Variants in TEX11 observed in about 807,000 individuals in gnomAD.
TEX11 encodes the protein testis-expressed protein 11.
TEX11 carries 7 observed loss-of-function variants against 84.4 expected under a neutral mutation model. That is an observed-to-expected ratio of 0.08 (90% CI 0.05 to 0.16). TEX11 has a LOEUF of 0.16. TEX11 is among the 10% of genes least tolerant of loss of function. The pLI, the probability that TEX11 is intolerant of heterozygous loss-of-function variation, is 1.00. For missense variants in TEX11, 551 were observed against 660.5 expected (o/e 0.83, Z 1.82); for synonymous variants, 264 against 222.8 (o/e 1.18, Z -1.64).
chrX:70,812,209 A>ATT (rs60068893), intron 8 of TEX11, among the ~76,000 whole-genome samples: 84 of 101,007 alleles, frequency 8.3e-4, no homozygotes, highest in East Asian at 1.3e-3. Context: ...TCTTGAATTA[A>ATT]TTTTTTTTTT....
intron 11 of TEX11, among the ~76,000 whole-genome samples, chrX:70,728,415 C>G (rs1342125223): frequency 8.9e-6 from 1 of 112,803 alleles, no homozygotes; most frequent in Non-Finnish European, 1.9e-5. Context: ...CTTTCCTAGT[C>G]AAAGAAAGGA....
intron 1 of TEX11, 43 bp from the exon 2 acceptor site, chrX:70,907,853 A>G (rs1004194000): frequency 5.3e-5 from 44 of 832,957 alleles, no homozygotes; most frequent in Non-Finnish European, 7.7e-5. Flanking sequence ...TTTATCCTCT[A>G]GTTTCTCAAC....
Position 70,605,412 on chromosome X carries a change from C to T in TEX11, c.2056G>A (p.Ala686Thr). The T allele has an allele frequency of 2.5e-6, 3 of 1,194,959 alleles. No homozygotes were observed. In the South Asian group the frequency reaches 5.3e-5, roughly 21 times the overall value. Residue 686 changes from alanine to threonine, a missense_variant, in exon 24 of 30, where the codon GCT (alanine) becomes ACT (threonine). Ala to Thr is a moderately conservative substitution (Grantham distance 58). Coordinates refer to ENST00000374333, the MANE Select transcript of TEX11 (RefSeq NM_031276.3). ...AGGTTGCACATTACCTGTTCAAAAG[C>T]TGTTGAAGCTTTTCTCCCTTGCTCT... The part of the protein sequence containing the change: ...DLEQGRKAST[A>T]FEQTMFLSRA...
intron 13 of TEX11, among the ~76,000 whole-genome samples, chrX:70,716,764 C>T (rs1232366498): frequency 1.8e-5 from 2 of 111,912 alleles, no homozygotes; most frequent in Non-Finnish European, 3.8e-5. Flanking sequence ...TCAGCTCAGG[C>T]TCAGTGCACT....
At chrX:70,752,152 T>A (rs2090830826) in intron 9 of TEX11, among the ~76,000 whole-genome samples, 1 of 112,124 alleles carries the variant, frequency 8.9e-6, no homozygotes, top group Non-Finnish European at 1.9e-5. Flanking sequence ...TTCTGTTTTA[T>A]GTCTCATCTT....
chrX:70,564,901 G>A (rs369288983), intron 25 of TEX11, among the ~76,000 whole-genome samples: 2 of 109,664 alleles, frequency 1.8e-5, no homozygotes, highest in Admixed American at 9.9e-5. Context: ...ATGATTTATA[G>A]TCCTTTGGGT....
intron 4 of TEX11, 110 bp from the exon 5 acceptor site, chrX:70,861,046 A>G (rs2091565712): frequency 2.0e-6 from 1 of 496,224 alleles, no homozygotes; most frequent in African/African-American, 2.7e-5. Flanking sequence ...TATTAAAAAT[A>G]AAAATTGTAA....
At chrX:70,714,802 A>G (rs2090480447) in intron 13 of TEX11, among the ~76,000 whole-genome samples, 1 of 111,686 alleles carries the variant, frequency 9.0e-6, no homozygotes, top group Admixed American at 9.5e-5. Context: ...ATTTAAGGTT[A>G]ATATTGTTAT....
At chrX:70,601,731 G>T (rs2089117256) in intron 24 of TEX11, among the ~76,000 whole-genome samples, 2 of 97,474 alleles carry the variant, frequency 2.1e-5, no homozygotes, top group Non-Finnish European at 4.1e-5. Flanking sequence ...AGGGAGTGGT[G>T]ATGACTCTTA....
At chrX:70,568,838 A>G (rs2088538611) in intron 25 of TEX11, among the ~76,000 whole-genome samples, 1 of 109,701 alleles carries the variant, frequency 9.1e-6, no homozygotes, top group Admixed American at 9.7e-5. Context: ...TGCCCTTAAC[A>G]TTTTTTCCTT....
chrX:70,672,636 T>C (rs928921736), intron 15 of TEX11, among the ~76,000 whole-genome samples: 28 of 111,690 alleles, frequency 2.5e-4, no homozygotes, highest in African/African-American at 9.1e-4. Flanking sequence ...TTCATGCATA[T>C]ATCCCTTTTT....
At chrX:70,784,208 A>AG (rs2091061936) in intron 9 of TEX11, among the ~76,000 whole-genome samples, 1 of 112,061 alleles carries the variant, frequency 8.9e-6, no homozygotes, top group South Asian at 3.8e-4. Context: ...CATCACATAA[A>AG]GAGAACCAAT....
intron 25 of TEX11, among the ~76,000 whole-genome samples, chrX:70,556,453 A>C (rs752977296): frequency 8.9e-6 from 1 of 112,130 alleles, no homozygotes; most frequent in East Asian, 2.8e-4. Flanking sequence ...ATAGATATAT[A>C]ATTCTCTTGT....
At chrX:70,679,801 G>A (rs1419658539) in intron 14 of TEX11, among the ~76,000 whole-genome samples, 1 of 96,017 alleles carries the variant, frequency 1.0e-5, no homozygotes, top group African/African-American at 3.9e-5. Context: ...CCCCCCGCCC[G>A]GCCAGCCGCC....
At chrX:70,648,065 A>G (rs2089766491) in intron 17 of TEX11, among the ~76,000 whole-genome samples, 1 of 112,074 alleles carries the variant, frequency 8.9e-6, no homozygotes, top group African/African-American at 3.2e-5. Context: ...CATATACACC[A>G]TGGAATATTA....
At chrX:70,771,685 T>C (rs1569436089) in intron 9 of TEX11, among the ~76,000 whole-genome samples, 1 of 112,588 alleles carries the variant, frequency 8.9e-6, no homozygotes, top group Non-Finnish European at 1.9e-5. Context: ...ACTTTTTTAA[T>C]AAGCAAAGAA....
intron 2 of TEX11, among the ~76,000 whole-genome samples, chrX:70,898,637 A>G (rs1369742465): frequency 2.9e-5 from 3 of 101,927 alleles, no homozygotes; most frequent in Admixed American, 2.2e-4. Context: ...ATGGAGTCTC[A>G]CTCTGTCGGC....
At chrX:70,753,217 G>A in intron 9 of TEX11, among the ~76,000 whole-genome samples, 1 of 105,009 alleles carries the variant, frequency 9.5e-6, no homozygotes, top group African/African-American at 3.5e-5. Context: ...GGGCGGCGAG[G>A]GGGGCGGGGA....
Position 70,625,835 on chromosome X carries a change from C to T in TEX11, c.1609-911G>A, listed in dbSNP as rs143858853. On this transcript the variant is annotated intron_variant, in intron 18 of 29. Transcript: ENST00000374333. ...GTCACCCAGGCTGAAGCAACCTCTG[C>T]TTCCTGGGTTCAAGCGATTCTCCTG... Among the ~76,000 whole-genome samples the T allele has an allele frequency of 5.4e-3, 567 of 104,561 alleles. 11 individuals carry two copies. The East Asian group carries it at 0.071, about 13-fold the overall frequency. 90.8% of individuals were successfully genotyped at this position (104,561 alleles called of 115,157 possible). A position where few individuals can be genotyped will look rare whatever the true frequency, so the allele number is the denominator to read the frequency against.
Sources: allele counts gnomAD v4.1 joint callset (sites outside exome capture counted in the v4.1 genomes callset), GRCh38; gene constraint gnomAD v4.1.1; transcripts MANE v1.5; gene names NCBI Gene and HGNC (gene_info 2026-07-23, HGNC 2026-07-21).